Variants in ZNF407 observed in about 807,000 individuals in gnomAD.
ZNF407 encodes the protein zinc finger protein 407.
A neutral mutation model predicts 131.2 loss-of-function variants in ZNF407; 17 were observed. The ratio of observed to expected loss-of-function variants is 0.13; its 90% CI spans 0.09 to 0.19. The LOEUF (loss-of-function observed/expected upper bound fraction) is 0.19, where lower values mean the gene tolerates loss of function less well. ZNF407 is among the 10% of genes least tolerant of loss of function. ZNF407 has a pLI of 1.00. For synonymous variants in ZNF407, 1,156 were observed against 1,062.0 expected (o/e 1.09, Z -1.72); for missense variants, 2,681 against 2,830.6 (o/e 0.95, Z 1.20).
intron 3 of ZNF407, among the ~76,000 whole-genome samples, chr18:74,702,026 T>C (rs1257426179): frequency 6.6e-6 from 1 of 152,212 alleles, no homozygotes; most frequent in Non-Finnish European, 1.5e-5. Flanking sequence ...GCTACCATTA[T>C]TATACTGAAA....
In ZNF407 at chr18:75,064,146, T is replaced by C. The variant is rs1485131964; in HGVS notation, c.6425T>C (p.Ile2142Thr). The C allele has an allele frequency of 1.9e-6, 3 of 1,603,160 alleles. No individual in the cohort carries two copies. Among genetic ancestry groups the C allele is most frequent in the East Asian group, 2.3e-5 (1 of 44,310 alleles). Residue 2142 changes from isoleucine (I) to threonine (T), a missense_variant, in exon 9 of 9, where the codon ATC (isoleucine) becomes ACC (threonine). Physicochemically the swap from Ile to Thr is moderately conservative, Grantham distance 89. This residue lies in a region of ZNF407 where 620 missense variants were observed against 583.1 expected (regional missense o/e 1.06). Transcript: ENST00000299687. ...HMDLVESDGE[I>T]SQIIVTEELV... ...GATCTGGTGGAGTCCGACGGGGAGATCTCGCAGATCATCGTGACGGAGGAG... is the reference window on the plus strand; with the variant it reads ...GATCTGGTGGAGTCCGACGGGGAGACCTCGCAGATCATCGTGACGGAGGAG...
At chr18:74,685,809 AC>A (rs1967084427) in intron 3 of ZNF407, among the ~76,000 whole-genome samples, 1 of 151,650 alleles carries the variant, frequency 6.6e-6, no homozygotes, top group Non-Finnish European at 1.5e-5. Flanking sequence ...CTGGTTGCCC[AC>A]TCTGTTGCCC....
At chr18:74,714,795 T>C (rs766214084) in intron 3 of ZNF407, among the ~76,000 whole-genome samples, 1 of 152,222 alleles carries the variant, frequency 6.6e-6, no homozygotes, top group Non-Finnish European at 1.5e-5. Context: ...TGAAGTGTTT[T>C]TTTACAATGC....
chr18:74,900,099 C>A (rs1971503961), intron 7 of ZNF407, among the ~76,000 whole-genome samples: 1 of 152,202 alleles, frequency 6.6e-6, no homozygotes, highest in African/African-American at 2.4e-5. Flanking sequence ...TCCATTGAAA[C>A]CGTGAGGCTG....
intron 3 of ZNF407, among the ~76,000 whole-genome samples, chr18:74,769,817 CACT>C (rs1236210427): frequency 1.3e-5 from 2 of 152,164 alleles, no homozygotes; most frequent in African/African-American, 4.8e-5. Context: ...ACACTTTCAT[CACT>C]GATTTACTTA....
chr18:74,939,511 C>T (rs1374596416), intron 8 of ZNF407, among the ~76,000 whole-genome samples: 1 of 152,114 alleles, frequency 6.6e-6, no homozygotes, highest in Non-Finnish European at 1.5e-5. Context: ...TTTTAAAAGA[C>T]GGATCTGAAT....
rs539051250 is a variant in ZNF407 at position 74,715,007 on chromosome 18, C to T, written c.4803-66421C>T. Among the ~76,000 whole-genome samples, 16 of 152,316 alleles carry T rather than the reference C, an allele frequency of 1.1e-4. No individual in the cohort carries two copies. In the East Asian group the frequency reaches 3.1e-3, roughly 29 times the overall value. ...TGCACTGCTCCATTGTCTCTGCTCC[C>T]TGGGTAGCCCTGCCTGTCTGCCTGG... On this transcript the variant is annotated intron_variant, in intron 3 of 8. Coordinates refer to ENST00000299687, the MANE Select transcript of ZNF407 (RefSeq NM_017757.3).
chr18:74,646,101 A>G (rs529292992), intron 3 of ZNF407, among the ~76,000 whole-genome samples: 1 of 152,230 alleles, frequency 6.6e-6, no homozygotes, highest in Admixed American at 6.5e-5. Context: ...AGTAATTTTT[A>G]TAGGCTGGAA....
intron 8 of ZNF407, among the ~76,000 whole-genome samples, chr18:75,012,271 T>TGTACACATAGTGTAC (rs1972983543): frequency 9.2e-6 from 1 of 108,490 alleles, no homozygotes; most frequent in African/African-American, 3.4e-5. Context: ...ACATAGTGTA[T>TGTACACATAGTGTAC]GTACACATAG....
intron 3 of ZNF407, among the ~76,000 whole-genome samples, chr18:74,752,730 T>G (rs1419477467): frequency 6.6e-6 from 1 of 152,078 alleles, no homozygotes; most frequent in Non-Finnish European, 1.5e-5. Context: ...TTCCATTGGT[T>G]TATATCTCTG....
intron 3 of ZNF407, among the ~76,000 whole-genome samples, chr18:74,677,817 T>A (rs1986455146): frequency 6.6e-6 from 1 of 152,172 alleles, no homozygotes; most frequent in Non-Finnish European, 1.5e-5. Context: ...TTCTCTCATT[T>A]TATGCTGGCC....
In ZNF407 at chr18:75,064,480, C is replaced by G; in HGVS notation, c.*12C>G. On this transcript the variant is annotated 3_prime_UTR_variant, in exon 9 of 9. Coordinates refer to ENST00000299687, the MANE Select transcript of ZNF407 (RefSeq NM_017757.3). ...TCCAGGAAGCATGAGACGCGCGGCA[C>G]CTTTACTCAGCACAGGGCAGGTGTG... 2 of 1,468,874 alleles carry G rather than the reference C, an allele frequency of 1.4e-6. No homozygotes were observed. Among genetic ancestry groups the G allele is most frequent in the Admixed American group, 2.5e-5 (1 of 39,646 alleles). 91.0% of individuals were successfully genotyped at this position (1,468,874 alleles called of 1,614,324 possible). A position where few individuals can be genotyped will look rare whatever the true frequency, so the allele number is the denominator to read the frequency against.
chr18:74,928,337 TA>T (rs1971940007), intron 8 of ZNF407, among the ~76,000 whole-genome samples: 1 of 152,134 alleles, frequency 6.6e-6, no homozygotes, highest in Non-Finnish European at 1.5e-5. Context: ...TGAGTTAAGA[TA>T]AGGGGGATTG....
At chr18:74,617,071 C>G in intron 1 of ZNF407, among the ~76,000 whole-genome samples, 3 of 104,168 alleles carry the variant, frequency 2.9e-5, no homozygotes, top group African/African-American at 7.7e-5. Context: ...ACATCCATAT[C>G]CACACACATC....
intron 4 of ZNF407, among the ~76,000 whole-genome samples, chr18:74,850,275 A>C (rs1360129044): frequency 6.6e-6 from 1 of 152,118 alleles, no homozygotes; most frequent in Non-Finnish European, 1.5e-5. Flanking sequence ...ACTTGATTCC[A>C]TGGTTAATGG....
chr18:74,782,464 G>A (rs938739015), intron 4 of ZNF407, among the ~76,000 whole-genome samples: 12 of 152,120 alleles, frequency 7.9e-5, no homozygotes, highest in African/African-American at 1.9e-4. Context: ...TTGTAGTATG[G>A]GCATAGACTG....
At chr18:74,905,897 G>C (rs1971589113) in intron 7 of ZNF407, 1 of 152,166 alleles carries the variant, frequency 6.6e-6, no homozygotes, top group Non-Finnish European at 1.5e-5. Context: ...TGTATTTTGT[G>C]ATTACCTCAG....
At position 74,862,288 on chromosome 18, in the gene ZNF407, A is replaced by C. The variant is rs577665492; in HGVS notation, c.4878-14909A>C. ...AGAACACACGCCAGAGCTCTCACTC[A>C]GGAAAGCTGGCTGCACGTTGGATCG... is the stretch of plus-strand genomic sequence containing the variant. On this transcript the variant is annotated intron_variant, in intron 4 of 8. Coordinates refer to ENST00000299687, the MANE Select transcript of ZNF407 (RefSeq NM_017757.3). 2.6e-5 allele frequency among the ~76,000 whole-genome samples: 4 copies of C among 152,366 alleles called. No homozygotes were observed. The South Asian group carries it at 8.3e-4, about 32-fold the overall frequency.
In ZNF407 at chr18:74,653,338, A is replaced by G. The variant is rs190839077; in HGVS notation, c.4802+12216A>G. ...TTCTCAGTTGTCTATATTTTGAGTA[A>G]CAAAAGAATATTGTGTCCATTAAAC... On this transcript the variant is annotated intron_variant, in intron 3 of 8. Coordinates refer to ENST00000299687, the MANE Select transcript of ZNF407 (RefSeq NM_017757.3). Among the ~76,000 whole-genome samples the G allele has an allele frequency of 2.0e-3, 306 of 152,080 alleles. 1 individual carries two copies. Among genetic ancestry groups the G allele is most frequent in the Middle Eastern group, 6.8e-3 (2 of 294 alleles).
Sources: allele counts gnomAD v4.1 joint callset (sites outside exome capture counted in the v4.1 genomes callset), GRCh38; gene constraint gnomAD v4.1.1; regional missense constraint gnomAD v4.1.1; transcripts MANE v1.5; gene names NCBI Gene and HGNC (gene_info 2026-07-23, HGNC 2026-07-21).